The following AGBL1 variants were observed in gnomAD, a reference collection of about 807,000 sequenced individuals.
The protein encoded by AGBL1 is cytosolic carboxypeptidase 4.
AGBL1 carries 130 observed loss-of-function variants against 118.9 expected under a neutral mutation model. The observed-to-expected ratio is 1.09, with a 90% CI of 0.95 to 1.26. AGBL1 has a LOEUF of 1.26. Among genes scored for constraint, AGBL1 ranks in the 50% most tolerant of loss-of-function variants. AGBL1 has a pLI of 0.00. For missense variants in AGBL1, 1,584 were observed against 1,298.1 expected (o/e 1.22, Z -3.38); for synonymous variants, 555 against 478.9 (o/e 1.16, Z -2.08).
At chr15:86,320,106 T>G in intron 17 of AGBL1, among the ~76,000 whole-genome samples, 1 of 152,142 alleles carries the variant, frequency 6.6e-6, no homozygotes. Context: ...TCTAAATAAA[T>G]TTTGGTATCA....
In AGBL1 at chr15:86,108,846, A is replaced by T. The variant is rs576453519; in HGVS notation, c.51+28823A>T. Reference sequence around the variant, plus strand: ...GTGGCATGCACCTGTAGTCCCAGCTACTTGGGAGGCTGAGGCAGGAGAATC... The same window carrying T: ...GTGGCATGCACCTGTAGTCCCAGCTTCTTGGGAGGCTGAGGCAGGAGAATC... On this transcript the variant is annotated intron_variant, in intron 1 of 22. Transcript: ENST00000614907. Among the ~76,000 whole-genome samples the T allele has an allele frequency of 9.9e-5, 15 of 152,278 alleles. No homozygotes were observed. The South Asian group carries it at 3.1e-3, about 32-fold the overall frequency.
intron 18 of AGBL1, among the ~76,000 whole-genome samples, chr15:86,514,507 C>T (rs2083094071): frequency 6.6e-6 from 1 of 152,132 alleles, no homozygotes; most frequent in African/African-American, 2.4e-5. Flanking sequence ...GTGTTAGTCA[C>T]TTGTGACAGA....
At chr15:86,374,242 C>A (rs2081006866) in intron 17 of AGBL1, among the ~76,000 whole-genome samples, 1 of 152,152 alleles carries the variant, frequency 6.6e-6, no homozygotes, top group African/African-American at 2.4e-5. Flanking sequence ...ATACTTGGAG[C>A]CAAATAAGAT....
At chr15:86,505,108 GA>G (rs948120622) in intron 18 of AGBL1, among the ~76,000 whole-genome samples, 3 of 150,654 alleles carry the variant, frequency 2.0e-5, no homozygotes, top group African/African-American at 4.9e-5. Flanking sequence ...CACAGTTTCT[GA>G]AAAAAAAATT....
At chr15:86,870,170 T>C (rs995509350) in intron 22 of AGBL1, among the ~76,000 whole-genome samples, 1 of 151,974 alleles carries the variant, frequency 6.6e-6, no homozygotes, top group Non-Finnish European at 1.5e-5. Context: ...CTTAAGATCA[T>C]CTAATTGGAA....
chr15:86,987,859 C>CTA (rs2081299754), intron 23 of AGBL1: 3 of 947,876 alleles, frequency 3.2e-6, no homozygotes, highest in Non-Finnish European at 4.4e-6. Flanking sequence ...TGGTATCTTA[C>CTA]TATATATATC....
chr15:86,778,058 T>G (rs1234267224), intron 22 of AGBL1, among the ~76,000 whole-genome samples: 4 of 152,040 alleles, frequency 2.6e-5, no homozygotes, highest in Admixed American at 6.6e-5. Context: ...AGAGAGAAAT[T>G]TTAAAGCTGG....
chr15:86,302,980 G>A (rs1010542663), intron 17 of AGBL1, among the ~76,000 whole-genome samples: 9 of 152,070 alleles, frequency 5.9e-5, no homozygotes, highest in African/African-American at 1.9e-4. Context: ...GAAATGACAA[G>A]ATCAGATTTG....
intron 21 of AGBL1, among the ~76,000 whole-genome samples, chr15:86,641,186 T>C (rs1327700589): frequency 6.6e-6 from 1 of 152,128 alleles, no homozygotes; most frequent in East Asian, 1.9e-4. Context: ...GTTTTTGACA[T>C]GTAAATATAT....
At chr15:86,953,035 C>T (rs1209025308) in intron 23 of AGBL1, among the ~76,000 whole-genome samples, 1 of 152,002 alleles carries the variant, frequency 6.6e-6, no homozygotes, top group Non-Finnish European at 1.5e-5. Context: ...GGTCTATGTG[C>T]CTGTTTTTGT....
chr15:86,520,003 C>T (rs1373328715), intron 18 of AGBL1, among the ~76,000 whole-genome samples: 2 of 152,148 alleles, frequency 1.3e-5, no homozygotes, highest in African/African-American at 4.8e-5. Flanking sequence ...TGCCTCTACC[C>T]TTAGGTGTGT....
At chr15:86,742,181 G>T (rs2077690080) in intron 22 of AGBL1, among the ~76,000 whole-genome samples, 1 of 152,096 alleles carries the variant, frequency 6.6e-6, no homozygotes, top group African/African-American at 2.4e-5. Context: ...ACGTGACCCA[G>T]ACTGCAAAGG....
intron 6 of AGBL1, among the ~76,000 whole-genome samples, chr15:86,241,604 A>C (rs1249200440): frequency 6.6e-6 from 1 of 152,140 alleles, no homozygotes; most frequent in Non-Finnish European, 1.5e-5. Context: ...ATACTCACAT[A>C]GCAGAAGGTG....
chr15:86,191,348 C>CAAAAAA (rs869108108), intron 5 of AGBL1, among the ~76,000 whole-genome samples: 2,228 of 64,766 alleles, frequency 0.034, 172 homozygotes, highest in African/African-American at 0.075. Context: ...AACTTTGTCT[C>CAAAAAA]AAAAAAAAAA....
At chr15:86,833,181 A>G (rs959230423) in intron 22 of AGBL1, among the ~76,000 whole-genome samples, 1 of 152,082 alleles carries the variant, frequency 6.6e-6, no homozygotes, top group African/African-American at 2.4e-5. Flanking sequence ...TCAAGATGAG[A>G]TTTGGGTGGG....
chr15:86,531,985 C>T (rs946988367), intron 19 of AGBL1, among the ~76,000 whole-genome samples: 2 of 151,542 alleles, frequency 1.3e-5, no homozygotes, highest in African/African-American at 4.9e-5. Flanking sequence ...CTATCTATGA[C>T]AAACCCACAG....
At position 87,017,896 on chromosome 15, in the gene AGBL1, C is replaced by T. The variant is rs147524918; in HGVS notation, c.3324-10929C>T. 1.4e-3 allele frequency among the ~76,000 whole-genome samples: 218 copies of T among 152,174 alleles called. 4 individuals are homozygous for T. Among genetic ancestry groups the T allele is most frequent in the African/African-American group, 5.0e-3 (207 of 41,540 alleles). ...TAACCCAATGCAGAGAAGCTATAAT[C>T]ATCATAAAACAATACAAAAGCTGAT... On this transcript the variant is annotated intron_variant, in intron 24 of 24. Coordinates refer to the AGBL1 transcript ENST00000441037.
chr15:86,827,937 G>GTTTTTTTTTTTTTTTTTTT (rs71460225), intron 22 of AGBL1, among the ~76,000 whole-genome samples: 3 of 7,802 alleles, frequency 3.8e-4, no homozygotes, highest in African/African-American at 1.5e-3. Context: ...TTGATGTAGG[G>GTTTTTTTTTTTTTTTTTTT]CTTTTTTTTT....
chr15:86,644,741 C>T (rs1435176042), intron 21 of AGBL1, among the ~76,000 whole-genome samples: 1 of 151,132 alleles, frequency 6.6e-6, no homozygotes, highest in African/African-American at 2.4e-5. Flanking sequence ...CGTGGTGGCT[C>T]ACGCCTGTAA....
Sources: allele counts gnomAD v4.1 joint callset (sites outside exome capture counted in the v4.1 genomes callset), GRCh38; gene constraint gnomAD v4.1.1; transcripts MANE v1.5; gene names NCBI Gene and HGNC (gene_info 2026-07-23, HGNC 2026-07-21).